Variants in ETFDH observed in about 807,000 individuals in gnomAD.
The protein encoded by ETFDH is electron transfer flavoprotein dehydrogenase.
A neutral mutation model predicts 73.2 loss-of-function variants in ETFDH; 61 were observed. That is an observed-to-expected ratio of 0.83 (90% confidence interval 0.68 to 1.03). The LOEUF is 1.03. ETFDH is among the 50% of genes least tolerant of loss of function. The pLI, the probability that ETFDH is intolerant of heterozygous loss-of-function variation, is 0.00. For missense variants in ETFDH, 685 were observed against 745.0 expected, an observed-to-expected ratio of 0.92 and a Z score of 0.94; for synonymous variants, 243 against 253.3, an observed-to-expected ratio of 0.96 and a Z score of 0.39.
At position 158,698,245 on chromosome 4, in the gene ETFDH, A is replaced by G. The variant is rs531453439; in HGVS notation, c.972+546A>G. 3.3e-4 allele frequency among the ~76,000 whole-genome samples: 51 copies of G among 152,324 alleles called. 1 individual carries two copies. Among genetic ancestry groups the G allele is most frequent in the African/African-American group, 9.1e-4 (38 of 41,578 alleles). ...AAAGAATGGAAAAATTAGTTTCTGT[A>G]CCTTGCAACTGGTGGCAGCTTTATA... On this transcript the variant is annotated intron_variant, in intron 8 of 12. Transcript: ENST00000511912.
At chr4:158,681,345 TG>T in intron 2 of ETFDH, among the ~76,000 whole-genome samples, 1 of 152,350 alleles carries the variant, frequency 6.6e-6, no homozygotes, top group Admixed American at 6.5e-5. Flanking sequence ...AACCATTTTT[TG>T]TACAGCTGTA....
chr4:158,682,246 C>G lies in ETFDH; in HGVS notation c.227C>G (p.Ala76Gly), dbSNP rs1773878407. Residue 76 changes from alanine (A) to glycine (G), a missense_variant, in exon 3 of 13, where the codon GCA (alanine) becomes GGA (glycine). Coordinates refer to ENST00000511912, the MANE Select transcript of ETFDH (RefSeq NM_004453.4). ...AEEADVVIVG[A>G]GPAGLSAAVR... Reference sequence around the variant, plus strand: ...GAAGCAGATGTTGTAATAGTTGGTGCAGGCCCTGCAGGGCTCTCTGCAGCT... The same window carrying G: ...GAAGCAGATGTTGTAATAGTTGGTGGAGGCCCTGCAGGGCTCTCTGCAGCT... The G allele has an allele frequency of 6.2e-7, 1 of 1,614,018 alleles. No individual in the cohort carries two copies. The highest frequency in any genetic ancestry group is 1.3e-5 in the African/African-American group (1 of 74,918).
At chr4:158,678,634 T>C (rs1773769563) in intron 1 of ETFDH, among the ~76,000 whole-genome samples, 1 of 149,032 alleles carries the variant, frequency 6.7e-6, no homozygotes, top group African/African-American at 2.5e-5. Context: ...AATTGAAGAA[T>C]TTATGGATAT....
intron 10 of ETFDH, among the ~76,000 whole-genome samples, chr4:158,704,731 TGA>T (rs1774562370): frequency 3.9e-5 from 6 of 152,202 alleles, no homozygotes; most frequent in Admixed American, 3.9e-4. Flanking sequence ...ATTTGATAAA[TGA>T]GTCTTAATTC....
intron 8 of ETFDH, among the ~76,000 whole-genome samples, chr4:158,698,632 G>T (rs1379099124): frequency 6.6e-6 from 1 of 152,040 alleles, no homozygotes; most frequent in East Asian, 1.9e-4. Flanking sequence ...CTTACCTACA[G>T]ATATTGTTCT....
At chr4:158,687,611 C>T (rs978497580) in intron 5 of ETFDH, among the ~76,000 whole-genome samples, 29 of 152,208 alleles carry the variant, frequency 1.9e-4, no homozygotes, top group African/African-American at 7.0e-4. Context: ...GAATAAACCA[C>T]TTCATGTCTA....
At chr4:158,688,933 G>A (rs935525588) in intron 5 of ETFDH, among the ~76,000 whole-genome samples, 3 of 152,006 alleles carry the variant, frequency 2.0e-5, no homozygotes, top group African/African-American at 4.8e-5. Flanking sequence ...TTTTTGACAA[G>A]CAGGAAGTTA....
chr4:158,672,351 T>C lies in ETFDH; in HGVS notation c.-106T>C. 8.5e-7 allele frequency: 1 copy of C among 1,171,400 alleles called. No homozygotes were observed. Among genetic ancestry groups the C allele is most frequent in the South Asian group, 1.2e-5 (1 of 82,160 alleles). 72.6% of individuals were successfully genotyped at this position (1,171,400 alleles called of 1,614,324 possible). ...GGCGAACTGCAGCAGAGTTCTTGCT[T>C]TCCGGCAGGTGATGGCGCCCCCCGC... On this transcript the variant is annotated 5_prime_UTR_variant, in exon 1 of 13. Transcript: ENST00000511912.
intron 7 of ETFDH, 44 bp from the exon 8 acceptor site, chr4:158,697,515 T>G (rs1219636672): frequency 6.4e-7 from 1 of 1,573,962 alleles, no homozygotes; most frequent in Non-Finnish European, 8.7e-7. Context: ...AAAAACATTT[T>G]TAAAATACTG....
chr4:158,692,555 C>A (rs1414981129), intron 6 of ETFDH, among the ~76,000 whole-genome samples: 1 of 151,982 alleles, frequency 6.6e-6, no homozygotes, highest in Non-Finnish European at 1.5e-5. Context: ...TCCAGGGATT[C>A]CGATGCATAG....
At chr4:158,683,538 A>G (rs1013407278) in intron 3 of ETFDH, among the ~76,000 whole-genome samples, 4 of 152,342 alleles carry the variant, frequency 2.6e-5, no homozygotes, top group African/African-American at 9.6e-5. Context: ...ACATAATATC[A>G]ATTCTAATAG....
At chr4:158,701,353 G>C (rs1774457076) in intron 9 of ETFDH, among the ~76,000 whole-genome samples, 2 of 152,152 alleles carry the variant, frequency 1.3e-5, no homozygotes, top group African/African-American at 4.8e-5. Context: ...TTTTCAGCTA[G>C]TAGCACTCCA....
rs938681416 is a variant in ETFDH at position 158,691,473 on chromosome 4, C to T, written c.684+1048C>T. On this transcript the variant is annotated intron_variant, in intron 6 of 12. Transcript: ENST00000511912. ...CCGAGTAGCTGGGATTACAGGCGTG[C>T]GCCACCATACCTGGCTACTTTTTGT... is the stretch of plus-strand genomic sequence containing the variant. 6.6e-5 allele frequency among the ~76,000 whole-genome samples: 10 copies of T among 151,950 alleles called. No individual in the cohort carries two copies. In the South Asian group the frequency reaches 1.5e-3, roughly 22 times the overall value.
At chr4:158,694,883 G>A (rs996499546) in intron 6 of ETFDH, among the ~76,000 whole-genome samples, 4 of 152,090 alleles carry the variant, frequency 2.6e-5, no homozygotes, top group Admixed American at 6.5e-5. Flanking sequence ...GGTGTCCCTT[G>A]GTGTGCACGG....
chr4:158,708,412 A>G lies in ETFDH; in HGVS notation c.1739A>G (p.Gln580Arg), dbSNP rs749989069. Residue 580 changes from glutamine (Q) to arginine (R), a missense_variant, in exon 13 of 13, where the codon CAG becomes CGG. Around this residue, in one of 3 missense-constraint regions of ETFDH, gnomAD observed 201 missense variants for 225.2 expected, o/e 0.89. Coordinates refer to ENST00000511912, the MANE Select transcript of ETFDH (RefSeq NM_004453.4). Reference sequence around the variant, plus strand: ...GAACAAGGTGATGGATTTCGGTTACAGATAAATGCTCAGAACTGTGTACAT... The same window carrying G: ...GAACAAGGTGATGGATTTCGGTTACGGATAAATGCTCAGAACTGTGTACAT... Reference protein sequence around the residue: ...PVEQGDGFRLQINAQNCVHCK... With the variant: ...PVEQGDGFRLRINAQNCVHCK... 2 of 1,612,128 alleles carry G rather than the reference A, an allele frequency of 1.2e-6. No homozygotes were observed. The highest frequency in any genetic ancestry group is 1.3e-5 in the African/African-American group (1 of 75,028).
At chr4:158,681,047 ACTT>A (rs1773846191) in intron 2 of ETFDH, among the ~76,000 whole-genome samples, 2 of 5,658 alleles carry the variant, frequency 3.5e-4, no homozygotes, top group South Asian at 0.056. Flanking sequence ...GTGTACTCTT[ACTT>A]AATTTTTTTA....
chr4:158,680,685 T>G (rs1314476744), intron 2 of ETFDH, 78 bp downstream of exon 2: 2 of 1,231,778 alleles, frequency 1.6e-6, no homozygotes, highest in Non-Finnish European at 2.4e-6. Context: ...AGTATTAATA[T>G]TTTTCATAAT....
At chr4:158,682,457 TC>T in intron 3 of ETFDH, 33 bp downstream of exon 3, 1 of 1,498,108 alleles carries the variant, frequency 6.7e-7, no homozygotes, top group South Asian at 1.1e-5. Context: ...CAAAGTCTAA[TC>T]TTTTGTAATT....
chr4:158,695,587 AAG>A lies in ETFDH; in HGVS notation c.776_777del (p.Lys259IlefsTer2). ...ACATCTAGCCAAGCAACTATATAAG[AAG>A]TTTGATTTGAGAGCAAATTGTGAAC... ...HGHLAKQLYK[K>X]FDLRANCEPQ... is the part of the protein sequence containing the mutation. On this transcript the variant is annotated frameshift_variant, in exon 7 of 13. Coordinates refer to ENST00000511912, the MANE Select transcript of ETFDH (RefSeq NM_004453.4). LOFTEE classifies it high-confidence loss of function. The A allele has an allele frequency of 6.2e-7, 1 of 1,612,124 alleles. No homozygotes were observed. Among genetic ancestry groups the A allele is most frequent in the Non-Finnish European group, 8.5e-7 (1 of 1,178,234 alleles).
Sources: allele counts gnomAD v4.1 joint callset (sites outside exome capture counted in the v4.1 genomes callset), GRCh38; gene constraint gnomAD v4.1.1; regional missense constraint gnomAD v4.1.1; transcripts MANE v1.5; gene names NCBI Gene and HGNC (gene_info 2026-07-23, HGNC 2026-07-21).